The following MKNK1 variants were observed in gnomAD, a reference collection of about 807,000 sequenced individuals.
The protein encoded by MKNK1 is MAP kinase-interacting serine/threonine-protein kinase 1.
Under a neutral mutation model 49.3 loss-of-function variants are expected in MKNK1, and 30 were observed. The observed-to-expected ratio is 0.61, with a 90% CI of 0.46 to 0.83. The LOEUF is 0.83. Among genes scored for constraint, MKNK1 ranks in the 40% least tolerant of loss-of-function variants. The probability of loss-of-function intolerance (pLI) is 0.00; values close to 1 mark genes in which losing one functional copy is unlikely to be tolerated. For synonymous variants in MKNK1, 176 were observed against 201.7 expected (o/e 0.87, Z 1.08); for missense variants, 423 against 524.7 (o/e 0.81, Z 1.89).
intron 7 of MKNK1, 70 bp from the exon 8 acceptor site, chr1:46,568,568 A>C: frequency 6.9e-7 from 1 of 1,446,748 alleles, no homozygotes; most frequent in Middle Eastern, 1.8e-4. Flanking sequence ...CACACAATTA[A>C]TTTTTTCCAA....
chr1:46,592,338 C>G (rs1169484663), intron 2 of MKNK1, among the ~76,000 whole-genome samples: 1 of 152,248 alleles, frequency 6.6e-6, no homozygotes, highest in East Asian at 1.9e-4. Flanking sequence ...AAGGCACCAA[C>G]AGTCTTACTC....
chr1:46,576,783 G>A (rs1557859255), intron 4 of MKNK1, 129 bp from the exon 5 acceptor site: 4 of 798,872 alleles, frequency 5.0e-6, no homozygotes, highest in Non-Finnish European at 8.5e-6. Context: ...TCTGGCCTAG[G>A]CCTTGGTGAC....
At chr1:46,602,198 G>A (rs1440181896) in intron 1 of MKNK1, among the ~76,000 whole-genome samples, 1 of 152,218 alleles carries the variant, frequency 6.6e-6, no homozygotes, top group African/African-American at 2.4e-5. Flanking sequence ...GATCACCTGA[G>A]GTCAGAAGTT....
intron 1 of MKNK1, among the ~76,000 whole-genome samples, chr1:46,595,892 C>T (rs1388827419): frequency 6.6e-6 from 1 of 152,218 alleles, no homozygotes; most frequent in Non-Finnish European, 1.5e-5. Context: ...GCTGAAACTA[C>T]AGGCACGAGC....
chr1:46,575,422 C>T (rs1670810558), intron 5 of MKNK1: 1 of 162,602 alleles, frequency 6.1e-6, no homozygotes. Context: ...CTTGCCCTCC[C>T]TCTTGCCCAT....
At chr1:46,559,203 C>T (rs1667497567) in intron 12 of MKNK1, among the ~76,000 whole-genome samples, 1 of 152,232 alleles carries the variant, frequency 6.6e-6, no homozygotes, top group African/African-American at 2.4e-5. Flanking sequence ...GTCCCCAGCA[C>T]CTAGCTCAGG....
chr1:46,599,522 C>T (rs1557900963), intron 1 of MKNK1, among the ~76,000 whole-genome samples: 1 of 152,176 alleles, frequency 6.6e-6, no homozygotes, highest in Non-Finnish European at 1.5e-5. Context: ...ATCAAGCAGA[C>T]CTAGTCCATG....
In MKNK1 at chr1:46,571,660, TAAG is replaced by T. The variant is rs1301159473; in HGVS notation, c.457+400_457+402del. 27 of 342,914 alleles carry T rather than the reference TAAG, an allele frequency of 7.9e-5. 2 individuals are homozygous for T. Among genetic ancestry groups the T allele is most frequent in the Non-Finnish European group, 3.4e-5 (6 of 176,156 alleles). 21.2% of individuals were successfully genotyped at this position (342,914 alleles called of 1,614,324 possible). A position where few individuals can be genotyped will look rare whatever the true frequency, so the allele number is the denominator to read the frequency against. On this transcript the variant is annotated intron_variant, in intron 7 of 12. Coordinates refer to ENST00000371945, the MANE Select transcript of MKNK1 (RefSeq NM_001135553.4). The stretch of plus-strand genomic sequence containing the variant: ...AAAGAGACAGAGGTGATGTATATTT[TAAG>T]ACTAGAAGGAATAACATCAAGATAT...
rs1027084897 is a variant in MKNK1 at position 46,584,239 on chromosome 1, G to C, written c.-2-910C>G. Reference sequence around the variant, plus strand: ...TCCTGTTTCTAAGACACTCTAGTATGGGCCTTTCCCTGTTAAAGATAAATT... The same window carrying C: ...TCCTGTTTCTAAGACACTCTAGTATCGGCCTTTCCCTGTTAAAGATAAATT... On this transcript the variant is annotated intron_variant, in intron 2 of 12. Transcript: ENST00000371945. Among the ~76,000 whole-genome samples, 12 of 152,320 alleles carry C rather than the reference G, an allele frequency of 7.9e-5. 1 individual carries two copies. The highest frequency in any genetic ancestry group is 5.9e-4 in the Admixed American group (9 of 15,298).
Position 46,560,290 on chromosome 1 carries a change from G to A in MKNK1, c.970-13C>T. On this transcript the variant is annotated splice_polypyrimidine_tract_variant and intron_variant, in intron 11 of 12. Transcript: ENST00000371945. The stretch of plus-strand genomic sequence containing the variant: ...TTTCTGGAGCTTGCTAGAATGGGAA[G>A]GACAGATGTGTAGGTAAAGCACTGC... The A allele has an allele frequency of 2.5e-6, 4 of 1,614,056 alleles. No individual in the cohort carries two copies. The highest frequency in any genetic ancestry group is 2.5e-6 in the Non-Finnish European group (3 of 1,179,934).
intron 8 of MKNK1, chr1:46,565,377 A>G: frequency 1.9e-6 from 1 of 527,990 alleles, no homozygotes. Flanking sequence ...TTGGTGTCAG[A>G]TTATTGTGAA....
At chr1:46,593,409 C>T (rs1020366498) in intron 2 of MKNK1, 9 of 152,284 alleles carry the variant, frequency 5.9e-5, no homozygotes, top group African/African-American at 2.2e-4. Flanking sequence ...GTTGCCCAGG[C>T]TGGCCAAATT....
At chr1:46,568,529 A>G in intron 7 of MKNK1, 31 bp from the exon 8 acceptor site, 1 of 1,595,338 alleles carries the variant, frequency 6.3e-7, no homozygotes, top group Non-Finnish European at 8.6e-7. Flanking sequence ...AAAATGGTTA[A>G]CATATGCAGA....
intron 9 of MKNK1, 57 bp downstream of exon 9, chr1:46,564,984 A>G: frequency 6.6e-7 from 1 of 1,519,712 alleles, no homozygotes; most frequent in East Asian, 2.3e-5. Flanking sequence ...TGGACCTCCC[A>G]GCTCTGGATC....
Position 46,589,679 on chromosome 1 carries a change from A to G in MKNK1, c.-3+4434T>C, listed in dbSNP as rs947941689. On this transcript the variant is annotated intron_variant, in intron 2 of 12. Coordinates refer to ENST00000371945, the MANE Select transcript of MKNK1 (RefSeq NM_001135553.4). This position sits in a 1 kb window ranked among gnomAD's most constrained non-coding sequence, Gnocchi z 4.3. Reference sequence around the variant, plus strand: ...CAGGGGAGATTTACAGAGAACTCATAGAGCAGATGAGGAAGGGTTATGGAG... The same window carrying G: ...CAGGGGAGATTTACAGAGAACTCATGGAGCAGATGAGGAAGGGTTATGGAG... Among the ~76,000 whole-genome samples the G allele has an allele frequency of 3.9e-5, 6 of 152,164 alleles. No individual in the cohort carries two copies. The highest frequency in any genetic ancestry group is 1.4e-4 in the African/African-American group (6 of 41,420).
rs560720855 is a variant in MKNK1, at chr1:46,560,743, C to T, written c.970-466G>A. On this transcript the variant is annotated intron_variant, in intron 11 of 12. Coordinates refer to ENST00000371945, the MANE Select transcript of MKNK1 (RefSeq NM_001135553.4). ...AGACAGGGACTGGGTCTCACTTGTCCCTCTGGCATGTGGCAGGTGCTCACT... is the reference window on the plus strand; with the variant it reads ...AGACAGGGACTGGGTCTCACTTGTCTCTCTGGCATGTGGCAGGTGCTCACT... Among the ~76,000 whole-genome samples, 11 of 152,258 alleles carry T rather than the reference C, an allele frequency of 7.2e-5. No homozygotes were observed. The East Asian group carries it at 2.1e-3, about 29-fold the overall frequency.
Position 46,562,993 on chromosome 1 carries a change from C to T in MKNK1, c.610-150G>A, listed in dbSNP as rs577120197. ...AGATCAGGAAGGCCAGCCAGTGAGC[C>T]GCCTGATGCCACCAAGGCATCTGCA... On this transcript the variant is annotated intron_variant, in intron 9 of 12. Transcript: ENST00000371945. 7.7e-4 allele frequency: 479 copies of T among 619,968 alleles called. 4 individuals carry two copies. The South Asian group carries it at 0.011, about 14-fold the overall frequency. 38.4% of individuals were successfully genotyped at this position (619,968 alleles called of 1,614,324 possible). A position where few individuals can be genotyped will look rare whatever the true frequency, so the allele number is the denominator to read the frequency against.
intron 2 of MKNK1, among the ~76,000 whole-genome samples, chr1:46,591,488 C>T (rs1338663565): frequency 6.6e-6 from 1 of 152,078 alleles, no homozygotes; most frequent in Admixed American, 6.6e-5. Flanking sequence ...CACTGCATCT[C>T]CTGGTGGAAG....
At chr1:46,603,508 C>T (rs1032366588) in intron 1 of MKNK1, among the ~76,000 whole-genome samples, 1 of 152,218 alleles carries the variant, frequency 6.6e-6, no homozygotes, top group Non-Finnish European at 1.5e-5. Flanking sequence ...TTCACAATGA[C>T]CCTATTATGG....
Sources: allele counts gnomAD v4.1 joint callset (sites outside exome capture counted in the v4.1 genomes callset), GRCh38; gene constraint gnomAD v4.1.1; non-coding constraint Gnocchi (gnomAD v3.1); transcripts MANE v1.5; gene names NCBI Gene and HGNC (gene_info 2026-07-23, HGNC 2026-07-21).